The following GSKIP variants were observed in gnomAD, a reference collection of about 807,000 sequenced individuals.
GSKIP encodes GSK3B interacting protein, also known as GSK3B-interacting protein.
GSKIP carries 5 observed loss-of-function variants against 11.9 expected under a neutral mutation model. The observed-to-expected ratio is 0.42, with a 90% CI of 0.22 to 0.89. GSKIP has a LOEUF of 0.89. Among genes scored for constraint, GSKIP ranks in the 40% least tolerant of loss-of-function variants. GSKIP has a pLI of 0.29. For missense variants in GSKIP, 150 were observed against 166.6 expected, an observed-to-expected ratio of 0.90 and a Z score of 0.55; for synonymous variants, 70 against 62.9, an observed-to-expected ratio of 1.11 and a Z score of -0.54.
chr14:96,369,257 A>G (rs1460779976), intron 1 of GSKIP, among the ~76,000 whole-genome samples: 2 of 152,234 alleles, frequency 1.3e-5, no homozygotes, highest in Admixed American at 6.5e-5. Context: ...ACAATTAAAT[A>G]TGGGAGGAAA....
rs577445426 is a variant in GSKIP, at chr14:96,367,234, C to G, written c.-103+3666C>G. 1.8e-4 allele frequency among the ~76,000 whole-genome samples: 27 copies of G among 152,292 alleles called. No homozygotes were observed. In the South Asian group the frequency reaches 5.2e-3, roughly 29 times the overall value. On this transcript the variant is annotated intron_variant, in intron 1 of 3. Transcript: ENST00000555181. The stretch of plus-strand genomic sequence containing the variant: ...TTAAAGGTAGATGCTATTTTAACAT[C>G]ATTTTAAAGAGGAGGAATGTGTGAC...
At chr14:96,369,449 C>G (rs934802584) in intron 1 of GSKIP, among the ~76,000 whole-genome samples, 1 of 152,164 alleles carries the variant, frequency 6.6e-6, no homozygotes, top group Non-Finnish European at 1.5e-5. Flanking sequence ...CAAGGTATTT[C>G]AGAAATCTCC....
intron 1 of GSKIP, among the ~76,000 whole-genome samples, chr14:96,376,211 A>G (rs1456071415): frequency 1.3e-5 from 2 of 152,212 alleles, no homozygotes; most frequent in Non-Finnish European, 2.9e-5. Flanking sequence ...ACCTTAAAAC[A>G]GCCTATTATA....
chr14:96,369,611 A>G (rs1448055454), intron 1 of GSKIP, among the ~76,000 whole-genome samples: 2 of 152,210 alleles, frequency 1.3e-5, no homozygotes, highest in Admixed American at 6.5e-5. Context: ...CCAGGTACTC[A>G]GCTCAGGCTG....
At chr14:96,374,977 GAAT>G (rs1168260768) in intron 1 of GSKIP, among the ~76,000 whole-genome samples, 6 of 152,038 alleles carry the variant, frequency 3.9e-5, no homozygotes, top group Non-Finnish European at 8.8e-5. Flanking sequence ...TTTAAAGCAA[GAAT>G]AATAACATTA....
At position 96,385,644 on chromosome 14, in the gene GSKIP, T is replaced by G. The variant is rs746062504; in HGVS notation, c.380T>G (p.Leu127Arg). The change falls in exon 4 of 4, where the codon CTT (leucine) becomes CGT (arginine). Residue 127 changes from leucine (L) to arginine (R), a missense_variant. Transcript: ENST00000555181. ...AYREAFGNALLQRLEALKRDG... is the reference protein window; with the variant it reads ...AYREAFGNALRQRLEALKRDG... ...CGAGAAGCATTTGGAAACGCACTGC[T>G]TCAAAGACTGGAAGCTTTGAAAAGA... The G allele has an allele frequency of 6.2e-7, 1 of 1,613,582 alleles. No homozygotes were observed. Among genetic ancestry groups the G allele is most frequent in the Admixed American group, 1.7e-5 (1 of 60,016 alleles).
chr14:96,375,776 AG>A (rs1482085639), intron 1 of GSKIP, among the ~76,000 whole-genome samples: 1 of 152,196 alleles, frequency 6.6e-6, no homozygotes, highest in Non-Finnish European at 1.5e-5. Context: ...AGTCCAAGGT[AG>A]AGGGGTCACA....
intron 1 of GSKIP, among the ~76,000 whole-genome samples, chr14:96,368,523 C>A (rs527898593): frequency 6.6e-5 from 10 of 152,272 alleles, no homozygotes; most frequent in African/African-American, 2.4e-4. Flanking sequence ...CTGTGTATTT[C>A]TTTCTTCTGA....
chr14:96,372,523 AT>A lies in GSKIP; in HGVS notation c.-102-7159del, dbSNP rs148066819. Among the ~76,000 whole-genome samples, 388 of 152,358 alleles carry A rather than the reference AT, an allele frequency of 2.5e-3. 2 individuals carry two copies. The highest frequency in any genetic ancestry group is 8.8e-3 in the African/African-American group (366 of 41,592). On this transcript the variant is annotated intron_variant, in intron 1 of 3. Coordinates refer to ENST00000555181, the MANE Select transcript of GSKIP (RefSeq NM_016472.5). ...GTCTTCAAAGTCGTGTTAAAATAAAATTTTTTAAGTTAAAAACATGGATCTC... is the reference window on the plus strand; with the variant it reads ...GTCTTCAAAGTCGTGTTAAAATAAAATTTTTAAGTTAAAAACATGGATCTC...
rs558689183 is a variant in GSKIP at position 96,382,845 on chromosome 14, T to C, written c.258+340T>C. ...CATTGAATGGGTTTTGCAGTCACTG[T>C]GTTGAAAAGATTTTCAACACCTCTT... On this transcript the variant is annotated intron_variant, in intron 3 of 3. Transcript: ENST00000555181. Among the ~76,000 whole-genome samples, 10 of 152,344 alleles carry C rather than the reference T, an allele frequency of 6.6e-5. No homozygotes were observed. In the East Asian group the frequency reaches 1.9e-3, roughly 29 times the overall value.
chr14:96,383,039 C>G (rs895815428), intron 3 of GSKIP, among the ~76,000 whole-genome samples: 24 of 152,082 alleles, frequency 1.6e-4, no homozygotes, highest in African/African-American at 5.8e-4. Context: ...GCGGATTAAC[C>G]TTTCCATTCT....
rs1489271253 is a variant in GSKIP at position 96,386,378 on chromosome 14, T to C, written c.*694T>C. Reference sequence around the variant, plus strand: ...GTAATAATTACTCATTTCCAAGATATCTAAGCACATAAGCAAATACAGGAA... The same window carrying C: ...GTAATAATTACTCATTTCCAAGATACCTAAGCACATAAGCAAATACAGGAA... On this transcript the variant is annotated 3_prime_UTR_variant, in exon 4 of 4. Coordinates refer to ENST00000555181, the MANE Select transcript of GSKIP (RefSeq NM_016472.5). 3 of 152,598 alleles carry C rather than the reference T, an allele frequency of 2.0e-5. No homozygotes were observed. Among genetic ancestry groups the C allele is most frequent in the Non-Finnish European group, 1.5e-5 (1 of 68,022 alleles). The allele number at this position is 152,598 out of a possible 1,614,324, so 9.5% of individuals were successfully genotyped here. A position where few individuals can be genotyped will look rare whatever the true frequency, so the allele number is the denominator to read the frequency against.
chr14:96,381,617 A>C (rs561346775), intron 2 of GSKIP, among the ~76,000 whole-genome samples: 2 of 152,332 alleles, frequency 1.3e-5, no homozygotes, highest in Admixed American at 1.3e-4. Flanking sequence ...GCTTATTGCA[A>C]CTGTATGATC....
At chr14:96,370,551 C>T (rs74543199) in intron 1 of GSKIP, among the ~76,000 whole-genome samples, 3,268 of 149,460 alleles carry the variant, frequency 0.022, 127 homozygotes, top group African/African-American at 0.076. Flanking sequence ...ATGAATGGCC[C>T]GGTGTCTTTC....
chr14:96,369,182 T>A (rs1182732290), intron 1 of GSKIP, among the ~76,000 whole-genome samples: 1 of 152,164 alleles, frequency 6.6e-6, no homozygotes, highest in Non-Finnish European at 1.5e-5. Context: ...ACCTAGAGTA[T>A]CTGGTAGAAG....
chr14:96,376,806 TAAAA>T (rs901155128), intron 1 of GSKIP, among the ~76,000 whole-genome samples: 1 of 152,010 alleles, frequency 6.6e-6, no homozygotes, highest in Non-Finnish European at 1.5e-5. Flanking sequence ...TTCTAGTGCT[TAAAA>T]AAAAGTCGGC....
At chr14:96,367,448 G>A (rs977332904) in intron 1 of GSKIP, among the ~76,000 whole-genome samples, 1 of 152,118 alleles carries the variant, frequency 6.6e-6, no homozygotes, top group Admixed American at 6.5e-5. Context: ...TTAAGATATC[G>A]TATCCTGCCC....
At chr14:96,371,487 C>T (rs1292924943) in intron 1 of GSKIP, among the ~76,000 whole-genome samples, 1 of 145,164 alleles carries the variant, frequency 6.9e-6, no homozygotes, top group East Asian at 2.0e-4. Flanking sequence ...CTCTGTCACC[C>T]AGGCTGGAGT....
At chr14:96,375,848 C>T (rs1889187801) in intron 1 of GSKIP, among the ~76,000 whole-genome samples, 1 of 152,228 alleles carries the variant, frequency 6.6e-6, no homozygotes. Context: ...CACAGGGTAT[C>T]ACATGGTGAG....
Sources: gnomAD v4.1 joint callset for allele counts (sites outside exome capture counted in the v4.1 genomes callset) on GRCh38, gnomAD v4.1.1 for gene constraint, MANE v1.5 for transcripts, NCBI Gene and HGNC (gene_info 2026-07-23, HGNC 2026-07-21) for gene names.